RANBP17: variants seen among roughly 807,000 people sequenced by gnomAD.
The protein encoded by RANBP17 is ran-binding protein 17.
RANBP17 carries 158 observed loss-of-function variants against 141.2 expected under a neutral mutation model. The ratio of observed to expected loss-of-function variants is 1.12; its 90% CI spans 0.98 to 1.28. The LOEUF (loss-of-function observed/expected upper bound fraction) is 1.28. Ranked by LOEUF, RANBP17 falls within the 50% of genes most tolerant of loss-of-function variation. RANBP17 has a pLI of 0.00. For missense variants in RANBP17, 1,438 were observed against 1,290.7 expected, an observed-to-expected ratio of 1.11 and a Z score of -1.75; for synonymous variants, 430 against 450.0, an observed-to-expected ratio of 0.96 and a Z score of 0.56.
At chr5:171,136,573 C>G (rs564222937) in intron 14 of RANBP17, among the ~76,000 whole-genome samples, 83 of 152,258 alleles carry the variant, frequency 5.5e-4, no homozygotes, top group African/African-American at 1.8e-3. Context: ...AAAAATGAAT[C>G]TTGTGTCTTT....
At chr5:170,908,672 G>T (rs545077538) in intron 5 of RANBP17, among the ~76,000 whole-genome samples, 9 of 150,784 alleles carry the variant, frequency 6.0e-5, no homozygotes, top group Non-Finnish European at 1.0e-4. Flanking sequence ...AAAAAAAAAG[G>T]AACACTGAAA....
chr5:171,145,557 T>G (rs927619586), intron 14 of RANBP17, among the ~76,000 whole-genome samples: 8 of 152,164 alleles, frequency 5.3e-5, no homozygotes, highest in African/African-American at 1.9e-4. Flanking sequence ...AACAGCTGTT[T>G]TGGAGATTTC....
At chr5:171,228,813 A>C (rs978865086) in intron 22 of RANBP17, among the ~76,000 whole-genome samples, 1 of 152,234 alleles carries the variant, frequency 6.6e-6, no homozygotes, top group African/African-American at 2.4e-5. Context: ...GATTGCTAGC[A>C]ATTTTTAGCA....
intron 14 of RANBP17, among the ~76,000 whole-genome samples, chr5:171,035,524 G>A (rs374534462): frequency 6.0e-5 from 9 of 148,968 alleles, no homozygotes; most frequent in African/African-American, 2.2e-4. Context: ...TATCTTTTGT[G>A]GAGGTCTAGA....
In RANBP17 at chr5:170,886,278, T is replaced by C. The variant is rs375933743; in HGVS notation, c.256+4382T>C. ...ATATGAAAAGAACTTTAAAAGGTAT[T>C]CCCTTACCGGCAAGGTACTTAGTAA... is the stretch of plus-strand genomic sequence containing the variant. On this transcript the variant is annotated intron_variant, in intron 3 of 27. Transcript: ENST00000523189. Among the ~76,000 whole-genome samples, 63 of 152,254 alleles carry C rather than the reference T, an allele frequency of 4.1e-4. 1 individual carries two copies. In the South Asian group the frequency reaches 0.013, roughly 31 times the overall value.
intron 14 of RANBP17, among the ~76,000 whole-genome samples, chr5:170,980,546 A>G (rs1240373917): frequency 6.6e-6 from 1 of 152,158 alleles, no homozygotes; most frequent in Non-Finnish European, 1.5e-5. Flanking sequence ...GCTGTGGCTG[A>G]AAGGGGCCAA....
At chr5:170,985,030 CAG>C (rs1778038981) in intron 14 of RANBP17, among the ~76,000 whole-genome samples, 1 of 116,874 alleles carries the variant, frequency 8.6e-6, no homozygotes. Context: ...TATACACACA[CAG>C]ACACACAGGC....
At chr5:171,137,590 G>GTGTC (rs1015733904) in intron 14 of RANBP17, among the ~76,000 whole-genome samples, 2 of 143,554 alleles carry the variant, frequency 1.4e-5, no homozygotes, top group African/African-American at 5.6e-5. Context: ...GTGTGTGTGT[G>GTGTC]TGTGTGTGTG....
intron 4 of RANBP17, among the ~76,000 whole-genome samples, chr5:170,895,566 C>G (rs74338653): frequency 6.6e-6 from 1 of 152,082 alleles, no homozygotes; most frequent in Non-Finnish European, 1.5e-5. Flanking sequence ...CCTAAGTGAT[C>G]CTATCTGATA....
At chr5:171,054,520 A>G (rs1783210896) in intron 14 of RANBP17, among the ~76,000 whole-genome samples, 1 of 152,130 alleles carries the variant, frequency 6.6e-6, no homozygotes. Flanking sequence ...AGTGCATTAT[A>G]ATTAGCATAT....
chr5:170,995,481 A>G (rs924597944), intron 14 of RANBP17, among the ~76,000 whole-genome samples: 15 of 152,176 alleles, frequency 9.9e-5, no homozygotes, highest in African/African-American at 3.1e-4. Context: ...AAATATTCCT[A>G]TCTGTTGACA....
chr5:171,059,400 G>T (rs1217585541), intron 14 of RANBP17, among the ~76,000 whole-genome samples: 1 of 152,134 alleles, frequency 6.6e-6, no homozygotes, highest in African/African-American at 2.4e-5. Flanking sequence ...AGTTTTCCCA[G>T]CACCATTTAT....
At chr5:170,941,675 C>G (rs1774335598) in intron 12 of RANBP17, among the ~76,000 whole-genome samples, 1 of 151,972 alleles carries the variant, frequency 6.6e-6, no homozygotes, top group African/African-American at 2.4e-5. Flanking sequence ...GGTGCATATA[C>G]AAAAAACCCA....
rs181527987 is a variant in RANBP17 at position 171,021,769 on chromosome 5, T to C, written c.1710+53392T>C. Among the ~76,000 whole-genome samples, 156 of 152,328 alleles carry C rather than the reference T, an allele frequency of 1.0e-3. 1 individual carries two copies. The South Asian group carries it at 0.011, about 10-fold the overall frequency. ...TTACCCATCTTTTGAAGGCTACTTC[T>C]GTCAATTCATCCATGTCATCCTTCA... is the stretch of plus-strand genomic sequence containing the variant. On this transcript the variant is annotated intron_variant, in intron 14 of 27. Transcript: ENST00000523189.
intron 14 of RANBP17, among the ~76,000 whole-genome samples, chr5:171,166,324 T>A (rs1254883098): frequency 6.6e-6 from 1 of 152,156 alleles, no homozygotes; most frequent in Non-Finnish European, 1.5e-5. Flanking sequence ...CACAGATAGG[T>A]TTAGTCTCTT....
At chr5:171,083,738 T>G (rs1785413279) in intron 14 of RANBP17, among the ~76,000 whole-genome samples, 1 of 152,132 alleles carries the variant, frequency 6.6e-6, no homozygotes. Context: ...AAGTGAATCA[T>G]GGGGCAGGTC....
In RANBP17 at chr5:170,941,810, G is replaced by A. The variant is rs191586622; in HGVS notation, c.1469-11787G>A. ...GAATTCTTATATACTTCTGGTGGGA[G>A]TATAAAGTGGAATCAGTTGGAAATG... is the stretch of plus-strand genomic sequence containing the variant. On this transcript the variant is annotated intron_variant, in intron 12 of 27. Coordinates refer to ENST00000523189, the MANE Select transcript of RANBP17 (RefSeq NM_022897.5). Among the ~76,000 whole-genome samples the A allele has an allele frequency of 1.7e-4, 26 of 152,328 alleles. No individual in the cohort carries two copies. The East Asian group carries it at 4.6e-3, about 27-fold the overall frequency.
At chr5:171,170,488 G>T (rs894195902) in intron 15 of RANBP17, among the ~76,000 whole-genome samples, 4 of 150,706 alleles carry the variant, frequency 2.7e-5, no homozygotes, top group South Asian at 2.1e-4. Context: ...CAGATCAATT[G>T]GGCAGCATTT....
chr5:171,197,848 C>T lies in RANBP17; in HGVS notation c.2039-1822C>T, dbSNP rs573583947. On this transcript the variant is annotated intron_variant, in intron 18 of 27. Coordinates refer to ENST00000523189, the MANE Select transcript of RANBP17 (RefSeq NM_022897.5). Reference sequence around the variant, plus strand: ...GGTCAGGAGATCAAGACCATCCTGGCTAACACGGTGAAACCCCATCTCTAC... The same window carrying T: ...GGTCAGGAGATCAAGACCATCCTGGTTAACACGGTGAAACCCCATCTCTAC... Among the ~76,000 whole-genome samples, 33 of 152,248 alleles carry T rather than the reference C, an allele frequency of 2.2e-4. No homozygotes were observed. The South Asian group carries it at 6.2e-3, about 29-fold the overall frequency.
Sources: allele counts gnomAD v4.1 joint callset (sites outside exome capture counted in the v4.1 genomes callset), GRCh38; gene constraint gnomAD v4.1.1; transcripts MANE v1.5; gene names NCBI Gene and HGNC (gene_info 2026-07-23, HGNC 2026-07-21).